The following CTIF variants were observed in gnomAD, a reference collection of about 807,000 sequenced individuals.
CTIF encodes CBP80/20-dependent translation initiation factor.
Under a neutral mutation model 66.0 loss-of-function variants are expected in CTIF, and 21 were observed. That is an observed-to-expected ratio of 0.32 (90% CI 0.23 to 0.46). CTIF has a LOEUF of 0.46. Among genes scored for constraint, CTIF ranks in the 20% least tolerant of loss-of-function variants. The pLI is 1.00. For synonymous variants in CTIF, 345 were observed against 326.4 expected (o/e 1.06, Z -0.62); for missense variants, 739 against 812.7 (o/e 0.91, Z 1.10).
At chr18:48,775,959 C>T (rs896749576) in intron 9 of CTIF, among the ~76,000 whole-genome samples, 1 of 152,238 alleles carries the variant, frequency 6.6e-6, no homozygotes, top group African/African-American at 2.4e-5. Context: ...TTTGCTGGCG[C>T]CTGCTTCTTG....
chr18:48,566,820 C>T (rs1265235846), intron 1 of CTIF: 1 of 152,118 alleles, frequency 6.6e-6, no homozygotes, highest in Admixed American at 6.6e-5. Flanking sequence ...TGAGTGGGGC[C>T]ATTGGAAGGG....
intron 6 of CTIF, among the ~76,000 whole-genome samples, chr18:48,696,739 A>G (rs757411302): frequency 6.6e-6 from 1 of 152,204 alleles, no homozygotes; most frequent in Non-Finnish European, 1.5e-5. Flanking sequence ...GGCAGAGGAA[A>G]CTGAAGCTTA....
chr18:48,843,528 A>G lies in CTIF; in HGVS notation c.1528-14060A>G, dbSNP rs1177566497. Among the ~76,000 whole-genome samples the G allele has an allele frequency of 3.4e-4, 52 of 152,012 alleles. 1 individual carries two copies. The highest frequency in any genetic ancestry group is 3.4e-3 in the Admixed American group (52 of 15,268). On this transcript the variant is annotated intron_variant, in intron 10 of 11. Coordinates refer to ENST00000256413, the MANE Select transcript of CTIF (RefSeq NM_014772.3). ...TCCCCACCCCAGCTACCCAGCCCCT[A>G]GATGGCCCTGAGGCCCCATTTATAA...
chr18:48,716,207 G>C (rs1367879212), intron 7 of CTIF, among the ~76,000 whole-genome samples: 3 of 152,240 alleles, frequency 2.0e-5, no homozygotes, highest in Non-Finnish European at 4.4e-5. Flanking sequence ...AATACGGGAA[G>C]TATAGGGTGT....
chr18:48,636,661 C>T lies in CTIF; in HGVS notation c.228C>T (p.Ser76=), dbSNP rs1408757636. The T allele has an allele frequency of 6.2e-7, 1 of 1,601,466 alleles. No individual in the cohort carries two copies. The highest frequency in any genetic ancestry group is 8.5e-7 in the Non-Finnish European group (1 of 1,174,958). The part of the protein sequence containing the change: ...SEPLDSSCSF[S]RGRAPPQQNG... Reference sequence around the variant, plus strand: ...CGCTGGACAGCAGCTGTTCCTTCTCCCGAGGGCGAGCCCCCCCACAGCAGG... The same window carrying T: ...CGCTGGACAGCAGCTGTTCCTTCTCTCGAGGGCGAGCCCCCCCACAGCAGG... Residue 76 remains serine, a synonymous_variant, in exon 3 of 12, where the codon TCC becomes TCT. Transcript: ENST00000256413.
At chr18:48,744,874 G>A (rs891825600) in intron 7 of CTIF, among the ~76,000 whole-genome samples, 2 of 150,814 alleles carry the variant, frequency 1.3e-5, no homozygotes, top group East Asian at 2.0e-4. Context: ...CCAGGCTGGA[G>A]TGCAGTGGCG....
At chr18:48,672,106 A>T (rs1253430653) in intron 6 of CTIF, among the ~76,000 whole-genome samples, 1 of 146,354 alleles carries the variant, frequency 6.8e-6, no homozygotes, top group Non-Finnish European at 1.5e-5. Flanking sequence ...TCCTTGGAGT[A>T]TCTACAATTC....
intron 2 of CTIF, among the ~76,000 whole-genome samples, chr18:48,630,971 C>A (rs1241245958): frequency 1.3e-5 from 2 of 152,092 alleles, no homozygotes; most frequent in Admixed American, 6.6e-5. Flanking sequence ...GCCACCGCAC[C>A]CAGCCCGGGC....
intron 7 of CTIF, among the ~76,000 whole-genome samples, chr18:48,756,600 A>G (rs1171603290): frequency 6.6e-6 from 1 of 152,232 alleles, no homozygotes; most frequent in Non-Finnish European, 1.5e-5. Context: ...CCACTATTTT[A>G]CAACCTTTGC....
intron 6 of CTIF, among the ~76,000 whole-genome samples, chr18:48,700,388 T>G (rs2092067517): frequency 6.6e-6 from 1 of 152,214 alleles, no homozygotes; most frequent in South Asian, 2.1e-4. Context: ...CTAATACACA[T>G]GCCTGTGGCC....
In CTIF at chr18:48,622,548, C is replaced by T. The variant is rs1394404303; in HGVS notation, c.180+2803C>T. On this transcript the variant is annotated intron_variant, in intron 2 of 11. Coordinates refer to ENST00000256413, the MANE Select transcript of CTIF (RefSeq NM_014772.3). ...GCAAGGTGGTGGCTGGGTGGCCTGG[C>T]GGTCTACAGCTGACCGCATGGAGGG... 3.3e-5 allele frequency among the ~76,000 whole-genome samples: 5 copies of T among 151,888 alleles called. No homozygotes were observed. The East Asian group carries it at 5.8e-4, about 18-fold the overall frequency.
intron 1 of CTIF, among the ~76,000 whole-genome samples, chr18:48,547,006 T>C (rs1043066104): frequency 2.0e-5 from 3 of 152,172 alleles, no homozygotes; most frequent in African/African-American, 7.2e-5. Flanking sequence ...CTCTAGGGCA[T>C]CAGGGGCCTG....
At chr18:48,549,639 C>T (rs571858956) in intron 1 of CTIF, among the ~76,000 whole-genome samples, 1 of 152,318 alleles carries the variant, frequency 6.6e-6, no homozygotes, top group East Asian at 1.9e-4. Flanking sequence ...CAAAGGCAGG[C>T]AGGAAGGTTA....
intron 1 of CTIF, among the ~76,000 whole-genome samples, chr18:48,595,188 T>C (rs2089967676): frequency 6.6e-6 from 1 of 152,196 alleles, no homozygotes; most frequent in Admixed American, 6.5e-5. Flanking sequence ...TCTTGTGGCC[T>C]ATCCTTGGGT....
At chr18:48,543,142 C>T (rs1007946998) in intron 1 of CTIF, among the ~76,000 whole-genome samples, 10 of 152,224 alleles carry the variant, frequency 6.6e-5, no homozygotes, top group Admixed American at 3.9e-4. Flanking sequence ...CTGTTTTGGG[C>T]TCCATTGCCC....
intron 3 of CTIF, among the ~76,000 whole-genome samples, chr18:48,650,786 C>T (rs1399862822): frequency 6.6e-6 from 1 of 152,108 alleles, no homozygotes; most frequent in Non-Finnish European, 1.5e-5. Flanking sequence ...TTGGCAGAAA[C>T]TCTACAAGCC....
intron 7 of CTIF, among the ~76,000 whole-genome samples, chr18:48,736,525 A>G (rs2092505019): frequency 1.3e-5 from 2 of 152,234 alleles, no homozygotes; most frequent in Admixed American, 6.5e-5. Context: ...GTTTAGCTCT[A>G]TCCTGTTCCT....
chr18:48,745,734 C>A (rs2092590272), intron 7 of CTIF, among the ~76,000 whole-genome samples: 1 of 152,228 alleles, frequency 6.6e-6, no homozygotes, highest in South Asian at 2.1e-4. Context: ...CAGCGTCCTG[C>A]TACAAGTCCC....
chr18:48,729,250 C>T (rs751418677), intron 7 of CTIF, among the ~76,000 whole-genome samples: 2 of 152,082 alleles, frequency 1.3e-5, no homozygotes, highest in Non-Finnish European at 2.9e-5. Context: ...GGAAACTTTC[C>T]AAGATACACA....
Sources: gnomAD v4.1 joint callset for allele counts (sites outside exome capture counted in the v4.1 genomes callset) on GRCh38, gnomAD v4.1.1 for gene constraint, MANE v1.5 for transcripts, NCBI Gene and HGNC (gene_info 2026-07-23, HGNC 2026-07-21) for gene names.